Variants in PNPLA5 observed in about 807,000 individuals in gnomAD.
The protein encoded by PNPLA5 is patatin like domain 5, triacylglycerol lipase.
Under a neutral mutation model 49.1 loss-of-function variants are expected in PNPLA5, and 44 were observed. That is an observed-to-expected ratio of 0.90 (90% CI 0.70 to 1.15). The LOEUF (loss-of-function observed/expected upper bound fraction) is 1.15. Among genes scored for constraint, PNPLA5 ranks in the 50% most tolerant of loss-of-function variants. PNPLA5 has a pLI of 0.00. For missense variants in PNPLA5, 603 were observed against 564.0 expected, an observed-to-expected ratio of 1.07 and a Z score of -0.70; for synonymous variants, 243 against 244.4, an observed-to-expected ratio of 0.99 and a Z score of 0.06.
At chr22:43,884,122 A>AAC in intron 7 of PNPLA5, 91 bp downstream of exon 7, 25 of 1,177,776 alleles carry the variant, frequency 2.1e-5, no homozygotes, top group Non-Finnish European at 2.8e-5. Flanking sequence ...GCCGAGCCCT[A>AAC]CCCACCCAGT....
At chr22:43,881,764 G>A (rs914896441) in intron 7 of PNPLA5, 90 bp from the exon 8 acceptor site, 31 of 1,518,540 alleles carry the variant, frequency 2.0e-5, no homozygotes, top group South Asian at 1.2e-4. Flanking sequence ...GAGCACAGCC[G>A]GGAGCCCTGC....
At chr22:43,882,655 T>C (rs1461107990) in intron 7 of PNPLA5, among the ~76,000 whole-genome samples, 1 of 152,274 alleles carries the variant, frequency 6.6e-6, no homozygotes, top group African/African-American at 2.4e-5. Context: ...AGTTTCTTTT[T>C]TTAACTGAAA....
At position 43,886,331 on chromosome 22, in the gene PNPLA5, A is replaced by G; in HGVS notation, c.921T>C (p.Phe307=). The change falls in exon 6 of 9, where the codon TTT becomes TTC. Residue 307 remains phenylalanine (F), a synonymous_variant. Coordinates refer to ENST00000216177, the MANE Select transcript of PNPLA5 (RefSeq NM_138814.4). ...CCTCCAGCTCTGGTGAGAGCTGCTC[A>G]AAGTTGGGTACATCCTTGACTTGCA... ...PHVQVKDVPN[F]EQLSPELEAA... The G allele has an allele frequency of 6.2e-7, 1 of 1,613,972 alleles. No homozygotes were observed. Among genetic ancestry groups the G allele is most frequent in the Non-Finnish European group, 8.5e-7 (1 of 1,179,922 alleles).
Position 43,891,077 on chromosome 22 carries a change from G to T in PNPLA5, c.411C>A (p.Cys137Ter). The change falls in exon 2 of 9, where the codon TGC becomes TGA. Residue 137 changes from cysteine (C) to a stop codon, truncating the protein, a stop_gained. Coordinates refer to ENST00000216177, the MANE Select transcript of PNPLA5 (RefSeq NM_138814.4). LOFTEE classifies it high-confidence loss of function. ...RNFLVTDFAT[C>*]DELIQALVCT... ...CGCCCCACACCTGGATGAGCTCATC[G>T]CAGGTGGCGAAGTCAGTGACCAAGA... The T allele has an allele frequency of 2.5e-6, 4 of 1,610,294 alleles. No homozygotes were observed. The highest frequency in any genetic ancestry group is 2.2e-5 in the East Asian group (1 of 44,612).
chr22:43,891,452 T>C, intron 1 of PNPLA5, 158 bp from the exon 2 acceptor site: 1 of 966,722 alleles, frequency 1.0e-6, no homozygotes, highest in Non-Finnish European at 1.2e-6. Flanking sequence ...TCCGTTCACC[T>C]TTTCACTTTT....
chr22:43,883,232 T>C (rs2049628210), intron 7 of PNPLA5, among the ~76,000 whole-genome samples: 1 of 152,142 alleles, frequency 6.6e-6, no homozygotes, highest in African/African-American at 2.4e-5. Flanking sequence ...GATTGAGCTG[T>C]GCAGCTGGAA....
At chr22:43,889,693 C>A (rs2049702841) in intron 3 of PNPLA5, 106 bp downstream of exon 3, 8 of 1,518,942 alleles carry the variant, frequency 5.3e-6, no homozygotes, top group African/African-American at 1.4e-5. Context: ...GGGCCTGGCA[C>A]ACAGTAGGTG....
chr22:43,888,278 T>G (rs2049685933), intron 4 of PNPLA5, among the ~76,000 whole-genome samples: 1 of 151,376 alleles, frequency 6.6e-6, no homozygotes, highest in African/African-American at 2.4e-5. Flanking sequence ...CCGGAGTAAA[T>G]GAACATGACT....
intron 4 of PNPLA5, among the ~76,000 whole-genome samples, chr22:43,888,125 C>G (rs1170833166): frequency 2.0e-5 from 3 of 152,150 alleles, no homozygotes; most frequent in Non-Finnish European, 2.9e-5. Context: ...TGATTAAAGT[C>G]CCACTGGTGG....
chr22:43,887,480 A>G, intron 5 of PNPLA5, 111 bp downstream of exon 5: 2 of 1,270,234 alleles, frequency 1.6e-6, no homozygotes, highest in Non-Finnish European at 2.2e-6. Context: ...GCAGATGATG[A>G]GGAAGAGACT....
intron 4 of PNPLA5, among the ~76,000 whole-genome samples, chr22:43,888,843 A>G (rs570674853): frequency 3.3e-5 from 5 of 152,292 alleles, no homozygotes; most frequent in Admixed American, 3.3e-4. Flanking sequence ...TTGCCTCTAC[A>G]ATGGATGGTC....
chr22:43,881,753 A>G (rs2049613232), intron 7 of PNPLA5, 79 bp from the exon 8 acceptor site: 2 of 1,549,126 alleles, frequency 1.3e-6, no homozygotes, highest in Middle Eastern at 1.7e-4. Context: ...CCATAGGCCC[A>G]GAGCACAGCC....
chr22:43,880,883 G>A lies in PNPLA5; in HGVS notation c.1202C>T (p.Pro401Leu). ...TGTTTCCAGGACGCGAGTGGCCGGAGGGCTGTGGAGGGAGGAGAAGCCACG... is the reference window on the plus strand; with the variant it reads ...TGTTTCCAGGACGCGAGTGGCCGGAAGGCTGTGGAGGGAGGAGAAGCCACG... ...TKAQLLGPIS[P>L]PATRVLETSP... Residue 401 changes from proline to leucine, a missense_variant and splice_region_variant, in exon 9 of 9, where the codon CCT becomes CTT. Transcript: ENST00000216177. 1 of 1,326,682 alleles carries A rather than the reference G, an allele frequency of 7.5e-7. No individual in the cohort carries two copies. The allele number at this position is 1,326,682 out of a possible 1,614,324, so 82.2% of individuals were successfully genotyped here.
chr22:43,881,695 G>A (rs948737277), intron 7 of PNPLA5, 21 bp from the exon 8 acceptor site: 3 of 1,611,532 alleles, frequency 1.9e-6, no homozygotes, highest in Non-Finnish European at 2.5e-6. Flanking sequence ...GGGCAGGTCA[G>A]CTTTGCCCAG....
At position 43,891,227 on chromosome 22, in the gene PNPLA5, G is replaced by A; in HGVS notation, c.261C>T (p.His87=). 1 of 1,572,252 alleles carries A rather than the reference G, an allele frequency of 6.4e-7. No homozygotes were observed. Among genetic ancestry groups the A allele is most frequent in the Non-Finnish European group, 8.7e-7 (1 of 1,155,680 alleles). The change falls in exon 2 of 9, where the codon CAC becomes CAT. Residue 87 remains histidine (H), a synonymous_variant. Coordinates refer to ENST00000216177, the MANE Select transcript of PNPLA5 (RefSeq NM_138814.4). ...CGTGCTCGATGGGCGCGTAGGCCGGGTGCAGGATGCTTAGGCTCAGCCGCT... is the reference window on the plus strand; with the variant it reads ...CGTGCTCGATGGGCGCGTAGGCCGGATGCAGGATGCTTAGGCTCAGCCGCT... ...QLERLSLSIL[H]PAYAPIEHVK...
rs2049698467 is a variant in PNPLA5, at chr22:43,889,356, G to A, written c.675C>T (p.Leu225=). 6.2e-6 allele frequency: 10 copies of A among 1,613,914 alleles called. No homozygotes were observed. The highest frequency in any genetic ancestry group is 8.5e-6 in the Non-Finnish European group (10 of 1,180,006). Residue 225 remains leucine (L), a synonymous_variant, in exon 4 of 9, where the codon CTC becomes CTT. Coordinates refer to ENST00000216177, the MANE Select transcript of PNPLA5 (RefSeq NM_138814.4). ...QISTENFFLG[L]ICLIPPSLEV... Reference sequence around the variant, plus strand: ...CGAGGCTGGGGGGTATGAGACATATGAGCCCCAGGAAGAAGTTCTCAGTGG... The same window carrying A: ...CGAGGCTGGGGGGTATGAGACATATAAGCCCCAGGAAGAAGTTCTCAGTGG...
intron 5 of PNPLA5, 118 bp downstream of exon 5, chr22:43,887,473 G>C: frequency 8.2e-7 from 1 of 1,219,656 alleles, no homozygotes; most frequent in South Asian, 1.4e-5. Context: ...GCACAGAGCA[G>C]ATGATGAGGA....
Position 43,880,199 on chromosome 22 carries a change from C to G in PNPLA5, c.*596G>C. 2.6e-6 allele frequency: 1 copy of G among 388,538 alleles called. No homozygotes were observed. The highest frequency in any genetic ancestry group is 4.5e-5 in the Admixed American group (1 of 22,350). 24.1% of individuals were successfully genotyped at this position (388,538 alleles called of 1,614,324 possible). On this transcript the variant is annotated 3_prime_UTR_variant, in exon 9 of 9. Transcript: ENST00000216177. ...GGGGCCACTGGGCCCAACAGAAGCA[C>G]CCACAGCTGGGATCCTGAAAAGACC...
rs1201083946 is a variant in PNPLA5 at position 43,889,347 on chromosome 22, G to A, written c.684C>T (p.Leu228=). ...TENFFLGLIC[L]IPPSLEVVAD... is the part of the protein sequence containing the mutation. ...GACCTACCTCGAGGCTGGGGGGTATGAGACATATGAGCCCCAGGAAGAAGT... is the reference window on the plus strand; with the variant it reads ...GACCTACCTCGAGGCTGGGGGGTATAAGACATATGAGCCCCAGGAAGAAGT... The change falls in exon 4 of 9, where the codon CTC becomes CTT. Residue 228 remains leucine, a synonymous_variant. Coordinates refer to ENST00000216177, the MANE Select transcript of PNPLA5 (RefSeq NM_138814.4). 2 of 1,614,056 alleles carry A rather than the reference G, an allele frequency of 1.2e-6. No homozygotes were observed. Among genetic ancestry groups the A allele is most frequent in the Non-Finnish European group, 1.7e-6 (2 of 1,180,022 alleles).
Sources: gnomAD v4.1 joint callset for allele counts (sites outside exome capture counted in the v4.1 genomes callset) on GRCh38, gnomAD v4.1.1 for gene constraint, MANE v1.5 for transcripts, NCBI Gene and HGNC (gene_info 2026-07-23, HGNC 2026-07-21) for gene names.